NTM: variants seen among roughly 807,000 people sequenced by gnomAD.
NTM encodes the protein neurotrimin.
In NTM, 13 loss-of-function variants were observed where a neutral mutation model predicts 42.1. The observed-to-expected ratio is 0.31, with a 90% CI of 0.20 to 0.49. The LOEUF (loss-of-function observed/expected upper bound fraction) is 0.49, where lower values mean the gene tolerates loss of function less well. NTM is among the 20% of genes least tolerant of loss of function. NTM has a pLI of 0.99. For missense variants in NTM, 373 were observed against 452.8 expected (o/e 0.82, Z 1.60); for synonymous variants, 187 against 179.2 (o/e 1.04, Z -0.35).
chr11:132,316,405 C>A (rs1353507899), intron 7 of NTM, among the ~76,000 whole-genome samples: 1 of 152,226 alleles, frequency 6.6e-6, no homozygotes, highest in East Asian at 1.9e-4. Context: ...GTCTATCAAT[C>A]AGCATCTGCC....
chr11:131,670,258 G>A (rs1043722714), intron 1 of NTM, among the ~76,000 whole-genome samples: 13 of 152,092 alleles, frequency 8.5e-5, no homozygotes, highest in South Asian at 4.2e-4. Flanking sequence ...AAGTGGGCTC[G>A]GAGGTTTTAA....
chr11:132,020,000 T>C (rs570134228), intron 2 of NTM, among the ~76,000 whole-genome samples: 1 of 152,078 alleles, frequency 6.6e-6, no homozygotes, highest in Non-Finnish European at 1.5e-5. Context: ...CCTCCCCTCC[T>C]TATATTCCCC....
chr11:131,995,997 G>A (rs1383769495), intron 2 of NTM, among the ~76,000 whole-genome samples: 1 of 152,108 alleles, frequency 6.6e-6, no homozygotes, highest in Non-Finnish European at 1.5e-5. Context: ...CCTGAGAAAG[G>A]AACTCAGATA....
intron 2 of NTM, among the ~76,000 whole-genome samples, chr11:132,070,697 C>A (rs532763197): frequency 7.0e-6 from 1 of 143,472 alleles, no homozygotes; most frequent in African/African-American, 2.6e-5. Flanking sequence ...GTCAAACTGA[C>A]CATCACAGGT....
chr11:131,616,373 A>G (rs1439914406), intron 1 of NTM, among the ~76,000 whole-genome samples: 1 of 152,190 alleles, frequency 6.6e-6, no homozygotes, highest in Non-Finnish European at 1.5e-5. Context: ...AGAGTGGGAA[A>G]TGACCGCGGA....
At chr11:132,244,990 C>T (rs1191846215) in intron 4 of NTM, among the ~76,000 whole-genome samples, 2 of 152,210 alleles carry the variant, frequency 1.3e-5, no homozygotes, top group African/African-American at 2.4e-5. Context: ...GTGTAATCTG[C>T]GGCTCTGAGT....
intron 1 of NTM, among the ~76,000 whole-genome samples, chr11:131,839,592 C>T (rs1045308108): frequency 5.9e-5 from 9 of 152,110 alleles, no homozygotes; most frequent in Non-Finnish European, 1.2e-4. Flanking sequence ...AACAGGACAC[C>T]AGAAAAGGAG....
chr11:131,495,546 T>C (rs1955249336), intron 1 of NTM, among the ~76,000 whole-genome samples: 1 of 152,232 alleles, frequency 6.6e-6, no homozygotes, highest in South Asian at 2.1e-4. Flanking sequence ...GCCTATGCGG[T>C]GCTGGGCCAG....
chr11:131,557,015 G>C (rs2055525601), intron 1 of NTM, among the ~76,000 whole-genome samples: 1 of 152,174 alleles, frequency 6.6e-6, no homozygotes, highest in Non-Finnish European at 1.5e-5. Context: ...GTGTTTGTGT[G>C]TGTGTGTGTC....
At chr11:132,237,970 A>G (rs1401936162) in intron 4 of NTM, among the ~76,000 whole-genome samples, 4 of 152,156 alleles carry the variant, frequency 2.6e-5, no homozygotes, top group Non-Finnish European at 5.9e-5. Flanking sequence ...TATCACCGGA[A>G]TATTACCCAT....
intron 2 of NTM, among the ~76,000 whole-genome samples, chr11:131,998,622 C>G (rs182833730): frequency 6.6e-6 from 1 of 152,108 alleles, no homozygotes; most frequent in African/African-American, 2.4e-5. Context: ...TAGAGAGACA[C>G]AATCTCATAC....
At chr11:131,741,513 G>A (rs939759889) in intron 1 of NTM, among the ~76,000 whole-genome samples, 4 of 152,140 alleles carry the variant, frequency 2.6e-5, no homozygotes, top group Admixed American at 2.0e-4. Context: ...ATTCACTCTG[G>A]TGATCATGGA....
intron 3 of NTM, among the ~76,000 whole-genome samples, chr11:132,165,508 A>G (rs533250955): frequency 6.6e-6 from 1 of 152,310 alleles, no homozygotes; most frequent in African/African-American, 2.4e-5. Flanking sequence ...AAGAGCAAAC[A>G]TTTATTGGGT....
chr11:132,242,828 C>G (rs952550543), intron 4 of NTM, among the ~76,000 whole-genome samples: 7 of 152,182 alleles, frequency 4.6e-5, no homozygotes, highest in Admixed American at 4.6e-4. Context: ...CTGTCAACAT[C>G]AGGTTGTTTC....
chr11:131,945,421 G>A (rs531860456), intron 2 of NTM, among the ~76,000 whole-genome samples: 3 of 152,272 alleles, frequency 2.0e-5, no homozygotes, highest in South Asian at 2.1e-4. Context: ...GCACCTTCTT[G>A]ACTTGCTGGT....
In NTM at chr11:132,146,577, G is replaced by C; in HGVS notation, c.400+63G>C. 6.5e-7 allele frequency: 1 copy of C among 1,549,494 alleles called. No individual in the cohort carries two copies. Among genetic ancestry groups the C allele is most frequent in the Non-Finnish European group, 8.8e-7 (1 of 1,135,224 alleles). ...CAGCCTGGAAAGCCTTCAGGTAAAG[G>C]TTTGTTCTCTGATCCTCAACAGAGA... On this transcript the variant is annotated intron_variant, in intron 3 of 8. Transcript: ENST00000683400. This position sits in a 1 kb window ranked among gnomAD's most constrained non-coding sequence, Gnocchi z 4.5.
intron 1 of NTM, among the ~76,000 whole-genome samples, chr11:131,702,410 G>A (rs1162041591): frequency 6.6e-6 from 1 of 152,172 alleles, no homozygotes; most frequent in African/African-American, 2.4e-5. Context: ...AGTAGCTACT[G>A]TAATAACTCC....
At chr11:131,711,399 A>G (rs1436661757) in intron 1 of NTM, among the ~76,000 whole-genome samples, 25 of 152,268 alleles carry the variant, frequency 1.6e-4, no homozygotes, top group Non-Finnish European at 2.8e-4. Context: ...ATCACTGGCT[A>G]TCAGAGAAAT....
At chr11:131,778,925 C>T (rs530063164) in intron 1 of NTM, among the ~76,000 whole-genome samples, 25 of 152,348 alleles carry the variant, frequency 1.6e-4, no homozygotes, top group South Asian at 1.0e-3. Flanking sequence ...TGGCAAATGC[C>T]GGTGGGATAG....
Sources: gnomAD v4.1 joint callset for allele counts (sites outside exome capture counted in the v4.1 genomes callset) on GRCh38, gnomAD v4.1.1 for gene constraint, Gnocchi (gnomAD v3.1) non-coding constraint, MANE v1.5 for transcripts, NCBI Gene and HGNC (gene_info 2026-07-23, HGNC 2026-07-21) for gene names.